Variants in NELL1 observed in about 807,000 individuals in gnomAD.
The protein encoded by NELL1 is neural EGFL like 1.
Under a neutral mutation model 107.4 loss-of-function variants are expected in NELL1, and 76 were observed. That is an observed-to-expected ratio of 0.71 (90% CI 0.59 to 0.86). The LOEUF (loss-of-function observed/expected upper bound fraction) is 0.86, where lower values mean the gene tolerates loss of function less well. Ranked by LOEUF, NELL1 falls within the 40% of genes least tolerant of loss-of-function variation. The pLI is 0.00. For synonymous variants in NELL1, 353 were observed against 341.2 expected, an observed-to-expected ratio of 1.03 and a Z score of -0.38; for missense variants, 1,024 against 1,005.5, an observed-to-expected ratio of 1.02 and a Z score of -0.25.
At chr11:21,238,645 T>G (rs1858271213) in intron 14 of NELL1, among the ~76,000 whole-genome samples, 2 of 152,048 alleles carry the variant, frequency 1.3e-5, no homozygotes, top group East Asian at 1.9e-4. Flanking sequence ...GTATTCACCC[T>G]CTTTTTCTGA....
intron 2 of NELL1, among the ~76,000 whole-genome samples, chr11:20,737,124 T>C (rs1159266130): frequency 6.6e-6 from 1 of 152,124 alleles, no homozygotes; most frequent in Non-Finnish European, 1.5e-5. Flanking sequence ...TTATTTATTT[T>C]TTACTTACCT....
chr11:21,536,457 C>T (rs191885534), intron 16 of NELL1, among the ~76,000 whole-genome samples: 31 of 152,246 alleles, frequency 2.0e-4, no homozygotes, highest in African/African-American at 7.5e-4. Context: ...CTAAATTTAG[C>T]TCACGTTTCA....
At chr11:21,381,886 G>A (rs112792319) in intron 15 of NELL1, among the ~76,000 whole-genome samples, 4,673 of 141,730 alleles carry the variant, frequency 0.033, 130 homozygotes, top group Non-Finnish European at 0.044. Context: ...TTTAACTTGG[G>A]TATGGTCCCT....
chr11:20,782,926 A>G (rs1380334304), intron 2 of NELL1, among the ~76,000 whole-genome samples: 1 of 152,196 alleles, frequency 6.6e-6, no homozygotes, highest in East Asian at 1.9e-4. Flanking sequence ...AGAAAGAAAC[A>G]TTCTTGTCTA....
chr11:21,213,889 G>T (rs1431839568), intron 13 of NELL1, among the ~76,000 whole-genome samples: 1 of 152,098 alleles, frequency 6.6e-6, no homozygotes, highest in East Asian at 1.9e-4. Context: ...GAAAAATTAG[G>T]AGAATATCTT....
intron 15 of NELL1, among the ~76,000 whole-genome samples, chr11:21,459,814 AC>A (rs1474463323): frequency 3.3e-5 from 5 of 152,088 alleles, no homozygotes; most frequent in African/African-American, 1.2e-4. Context: ...GATGACTTCA[AC>A]TTCAAAGGAT....
chr11:20,972,034 G>A (rs557156199), intron 12 of NELL1, among the ~76,000 whole-genome samples: 51 of 149,392 alleles, frequency 3.4e-4, no homozygotes, highest in African/African-American at 1.3e-3. Context: ...GGGGAGCGGG[G>A]TGGGGGGCAA....
intron 9 of NELL1, among the ~76,000 whole-genome samples, chr11:20,931,254 C>T (rs889470147): frequency 6.6e-6 from 1 of 152,018 alleles, no homozygotes; most frequent in African/African-American, 2.4e-5. Flanking sequence ...GGGATGCTTC[C>T]CGGAGGACAT....
chr11:21,402,545 G>A (rs1590903072), intron 15 of NELL1, among the ~76,000 whole-genome samples: 2 of 151,628 alleles, frequency 1.3e-5, no homozygotes, highest in East Asian at 2.0e-4. Flanking sequence ...TAACCAGATT[G>A]CCAAGTATGA....
intron 2 of NELL1, among the ~76,000 whole-genome samples, chr11:20,751,408 G>T (rs948428615): frequency 6.6e-6 from 1 of 151,964 alleles, no homozygotes; most frequent in Non-Finnish European, 1.5e-5. Flanking sequence ...ATCAATTTAG[G>T]TTTCTTTAAT....
At chr11:20,956,651 A>G (rs1180429530) in intron 11 of NELL1, among the ~76,000 whole-genome samples, 1 of 151,974 alleles carries the variant, frequency 6.6e-6, no homozygotes, top group Admixed American at 6.5e-5. Context: ...ATCTCAAAAA[A>G]AAAAAAAAAA....
chr11:20,754,740 C>G (rs1455690687), intron 2 of NELL1, among the ~76,000 whole-genome samples: 1 of 152,120 alleles, frequency 6.6e-6, no homozygotes. Context: ...CTTATACTGA[C>G]ATTAAAATAA....
At chr11:21,176,591 G>C (rs1057114392) in intron 13 of NELL1, among the ~76,000 whole-genome samples, 2 of 151,718 alleles carry the variant, frequency 1.3e-5, no homozygotes, top group African/African-American at 4.9e-5. Flanking sequence ...CTTAAAATTT[G>C]ATTCCATTGA....
In NELL1 at chr11:20,975,984, G is replaced by A. The variant is rs976693590; in HGVS notation, c.1300+15424G>A. On this transcript the variant is annotated intron_variant, in intron 12 of 19. Transcript: ENST00000357134. ...TATATACATTATATATATTATATCT[G>A]TACATATATGTGTATTATATATACA... 3.5e-5 allele frequency among the ~76,000 whole-genome samples: 4 copies of A among 113,790 alleles called. 1 individual carries two copies. Among genetic ancestry groups the A allele is most frequent in the African/African-American group, 1.5e-4 (4 of 26,194 alleles). 74.7% of individuals were successfully genotyped at this position (113,790 alleles called of 152,430 possible).
intron 2 of NELL1, among the ~76,000 whole-genome samples, chr11:20,721,756 C>T (rs762564999): frequency 4.6e-5 from 7 of 152,082 alleles, no homozygotes; most frequent in Non-Finnish European, 1.0e-4. Flanking sequence ...AATGACTTGA[C>T]ACTAGGTGAG....
intron 15 of NELL1, among the ~76,000 whole-genome samples, chr11:21,518,493 T>A (rs1855631677): frequency 6.6e-6 from 1 of 152,228 alleles, no homozygotes; most frequent in South Asian, 2.1e-4. Context: ...GACCTGTCTT[T>A]AAAGGGATAG....
At chr11:20,686,153 C>T (rs920108806) in intron 2 of NELL1, among the ~76,000 whole-genome samples, 4 of 151,954 alleles carry the variant, frequency 2.6e-5, no homozygotes, top group Non-Finnish European at 5.9e-5. Context: ...ATCTGATGTC[C>T]AGCTGTGAAT....
intron 12 of NELL1, among the ~76,000 whole-genome samples, chr11:20,965,613 A>G (rs934149250): frequency 3.3e-5 from 5 of 152,208 alleles, no homozygotes; most frequent in African/African-American, 1.2e-4. Flanking sequence ...TATTCAAGGA[A>G]ATATTTTGGA....
chr11:20,800,516 G>A (rs1025052887), intron 3 of NELL1, among the ~76,000 whole-genome samples: 2 of 152,156 alleles, frequency 1.3e-5, no homozygotes, highest in Admixed American at 6.5e-5. Flanking sequence ...GTCTATTCCT[G>A]TCTTTTGTCC....
Sources: allele counts gnomAD v4.1 joint callset (sites outside exome capture counted in the v4.1 genomes callset), GRCh38; gene constraint gnomAD v4.1.1; transcripts MANE v1.5; gene names NCBI Gene and HGNC (gene_info 2026-07-23, HGNC 2026-07-21).